Variants in NYAP2 observed in about 807,000 individuals in gnomAD.
NYAP2 encodes neuronal tyrosine-phosphorylated phosphoinositide-3-kinase adaptor 2.
NYAP2 carries 23 observed loss-of-function variants against 50.4 expected under a neutral mutation model. The observed-to-expected ratio is 0.46, with a 90% CI of 0.33 to 0.65. The LOEUF is 0.65. NYAP2 is among the 30% of genes least tolerant of loss of function. NYAP2 has a pLI of 0.02. For missense variants in NYAP2, 885 were observed against 861.0 expected (o/e 1.03, Z -0.35); for synonymous variants, 394 against 365.2 (o/e 1.08, Z -0.90).
At chr2:225,650,215 A>C (rs907326905) in intron 6 of NYAP2, among the ~76,000 whole-genome samples, 2 of 152,218 alleles carry the variant, frequency 1.3e-5, no homozygotes, top group Non-Finnish European at 2.9e-5. Flanking sequence ...TGAAGTTGGC[A>C]GTGAACCATT....
At chr2:225,430,230 A>G (rs1169501505) in intron 3 of NYAP2, among the ~76,000 whole-genome samples, 3 of 152,156 alleles carry the variant, frequency 2.0e-5, no homozygotes, top group African/African-American at 7.2e-5. Context: ...TGACTGGATA[A>G]AAATGTTTTT....
intron 5 of NYAP2, among the ~76,000 whole-genome samples, chr2:225,591,829 T>A (rs890680119): frequency 2.0e-5 from 3 of 152,204 alleles, no homozygotes; most frequent in African/African-American, 7.2e-5. Context: ...CTCAGGGATA[T>A]CTGCTTAATG....
At chr2:225,606,325 A>G (rs547567814) in intron 5 of NYAP2, among the ~76,000 whole-genome samples, 2 of 152,272 alleles carry the variant, frequency 1.3e-5, no homozygotes, top group Admixed American at 1.3e-4. Context: ...TTGCTGGTAT[A>G]AATTTATGCG....
rs1382984650 is a variant in NYAP2 at position 225,528,508 on chromosome 2, A to G, written c.523+14836A>G. 1.3e-5 allele frequency among the ~76,000 whole-genome samples: 2 copies of G among 152,202 alleles called. 1 individual carries two copies. Among genetic ancestry groups the G allele is most frequent in the African/African-American group, 4.8e-5 (2 of 41,458 alleles). On this transcript the variant is annotated intron_variant, in intron 4 of 6. Transcript: ENST00000636099. ...TCTTTAGTCCAGCAGTCCTCAGGCCAAAGAACTTCTAGAACATAAAGATCC... is the reference window on the plus strand; with the variant it reads ...TCTTTAGTCCAGCAGTCCTCAGGCCGAAGAACTTCTAGAACATAAAGATCC...
chr2:225,621,434 A>C (rs72978562), intron 5 of NYAP2, among the ~76,000 whole-genome samples: 441 of 152,316 alleles, frequency 2.9e-3, no homozygotes, highest in Non-Finnish European at 4.9e-3. Context: ...TCAAATTCTT[A>C]GAGACAGAAA....
chr2:225,685,726 T>C, the NYAP2 span, among the ~76,000 whole-genome samples: 1 of 152,186 alleles, frequency 6.6e-6, no homozygotes, highest in Non-Finnish European at 1.5e-5. Context: ...ATATTGCTTT[T>C]TAAAGATTAT....
intron 4 of NYAP2, 53 bp downstream of exon 4, chr2:225,513,725 C>T: frequency 7.1e-7 from 1 of 1,401,580 alleles, no homozygotes; most frequent in Non-Finnish European, 9.4e-7. Flanking sequence ...ATAGTATGTT[C>T]AGGTCAGCAT....
rs530882133 is a variant in NYAP2, at chr2:225,431,959, GT to G, written c.221+22866del. Among the ~76,000 whole-genome samples, 434 of 151,426 alleles carry G rather than the reference GT, an allele frequency of 2.9e-3. 1 individual carries two copies. The highest frequency in any genetic ancestry group is 1.0e-2 in the African/African-American group (413 of 41,356). On this transcript the variant is annotated intron_variant, in intron 3 of 6. Coordinates refer to ENST00000636099, the Ensembl canonical transcript of NYAP2. ...CCATATAATTTATAACAATGATAGG[GT>G]TTTTTTTGTTGTTTGTTTGTTTGTT...
At chr2:225,493,875 C>G (rs969163666) in intron 3 of NYAP2, among the ~76,000 whole-genome samples, 1 of 152,326 alleles carries the variant, frequency 6.6e-6, no homozygotes. Context: ...AAGAAGTGCA[C>G]AAGCAGCTCT....
At chr2:225,434,764 G>A (rs953096073) in intron 3 of NYAP2, among the ~76,000 whole-genome samples, 3 of 152,276 alleles carry the variant, frequency 2.0e-5, no homozygotes, top group East Asian at 1.9e-4. Context: ...TGTTGGACAC[G>A]TTTCATTAAG....
intron 3 of NYAP2, among the ~76,000 whole-genome samples, chr2:225,417,968 T>G (rs1574604328): frequency 6.6e-6 from 1 of 150,978 alleles, no homozygotes; most frequent in Non-Finnish European, 1.5e-5. Context: ...AAGAAACAAG[T>G]AAATATAGAG....
chr2:225,609,147 G>A (rs758567468), intron 5 of NYAP2, among the ~76,000 whole-genome samples: 5 of 152,008 alleles, frequency 3.3e-5, no homozygotes, highest in Non-Finnish European at 5.9e-5. Flanking sequence ...ACTAAAATCA[G>A]AGAACAGCTG....
intron 5 of NYAP2, among the ~76,000 whole-genome samples, chr2:225,612,452 T>C (rs1692906610): frequency 6.6e-6 from 1 of 152,064 alleles, no homozygotes; most frequent in Non-Finnish European, 1.5e-5. Flanking sequence ...TTGGGGAGCT[T>C]ACACAACCGT....
rs1249697171 is a variant in NYAP2 at position 225,588,499 on chromosome 2, A to G, written c.1618+5464A>G. Among the ~76,000 whole-genome samples, 6 of 152,210 alleles carry G rather than the reference A, an allele frequency of 3.9e-5. No homozygotes were observed. In the East Asian group the frequency reaches 1.2e-3, roughly 29 times the overall value. On this transcript the variant is annotated intron_variant, in intron 5 of 6. Coordinates refer to ENST00000636099, the Ensembl canonical transcript of NYAP2. The stretch of plus-strand genomic sequence containing the variant: ...TGCTGTGTGAGGTCCAGTGATACCT[A>G]AAACATCAAGCGTTGACTATGAAGG...
At chr2:225,656,521 G>T (rs1022434971), downstream of NYAP2, among the ~76,000 whole-genome samples, 1 of 152,144 alleles carries the variant, frequency 6.6e-6, no homozygotes, top group Non-Finnish European at 1.5e-5. Context: ...TGGAGCAGAT[G>T]CAGGTTCTCT....
At chr2:225,465,706 ACT>A (rs1689905076) in intron 3 of NYAP2, among the ~76,000 whole-genome samples, 1 of 151,688 alleles carries the variant, frequency 6.6e-6, no homozygotes, top group African/African-American at 2.4e-5. Flanking sequence ...ACAGTATGAG[ACT>A]CTGTCTCAAA....
chr2:225,636,591 C>T (rs774321761), intron 6 of NYAP2, among the ~76,000 whole-genome samples: 8 of 152,028 alleles, frequency 5.3e-5, no homozygotes, highest in East Asian at 1.9e-4. Context: ...CACATGCACA[C>T]GTATGGTAAT....
intron 3 of NYAP2, among the ~76,000 whole-genome samples, chr2:225,513,018 A>G (rs911588025): frequency 4.6e-5 from 7 of 152,230 alleles, no homozygotes; most frequent in Non-Finnish European, 1.0e-4. Flanking sequence ...GAAGTGGACA[A>G]GAGTCTCAAG....
chr2:225,608,286 G>A (rs539058683), intron 5 of NYAP2, among the ~76,000 whole-genome samples: 57 of 152,124 alleles, frequency 3.7e-4, no homozygotes, highest in Non-Finnish European at 4.1e-4. Flanking sequence ...TTCTGATGTT[G>A]AGATGGTGAC....
Sources: allele counts gnomAD v4.1 joint callset (sites outside exome capture counted in the v4.1 genomes callset), GRCh38; gene constraint gnomAD v4.1.1; transcripts MANE v1.5; gene names NCBI Gene and HGNC (gene_info 2026-07-23, HGNC 2026-07-21).